MYCBP2: variants seen among roughly 807,000 people sequenced by gnomAD.
The protein encoded by MYCBP2 is MYC binding protein 2.
Under a neutral mutation model 525.3 loss-of-function variants are expected in MYCBP2, and 120 were observed. The ratio of observed to expected loss-of-function variants is 0.23; its 90% CI spans 0.20 to 0.27. MYCBP2 has a LOEUF of 0.27. MYCBP2 is among the 10% of genes least tolerant of loss of function. MYCBP2 has a pLI of 1.00. For synonymous variants in MYCBP2, 1,894 were observed against 1,955.8 expected (o/e 0.97, Z 0.83); for missense variants, 4,149 against 5,657.1 (o/e 0.73, Z 8.55).
At chr13:77,191,989 T>C (rs924559199) in intron 27 of MYCBP2, among the ~76,000 whole-genome samples, 176 bp from the exon 28 acceptor site, 3 of 152,260 alleles carry the variant, frequency 2.0e-5, no homozygotes, top group Non-Finnish European at 4.4e-5. Context: ...CAAATATAGT[T>C]ATTTATGTTA....
intron 52 of MYCBP2, among the ~76,000 whole-genome samples, chr13:77,138,255 TA>T (rs1176769703): frequency 6.6e-6 from 1 of 152,062 alleles, no homozygotes; most frequent in Non-Finnish European, 1.5e-5. Flanking sequence ...CAAAAGCATA[TA>T]AAAAAGAATG....
intron 40 of MYCBP2, 118 bp from the exon 41 acceptor site, chr13:77,166,672 TA>T: frequency 1.8e-6 from 1 of 570,570 alleles, no homozygotes; most frequent in Non-Finnish European, 2.9e-6. Context: ...CAGGATAAAG[TA>T]CAAAATTAAA....
At chr13:77,244,378 G>C (rs1424129595) in intron 15 of MYCBP2, among the ~76,000 whole-genome samples, 1 of 152,234 alleles carries the variant, frequency 6.6e-6, no homozygotes, top group Non-Finnish European at 1.5e-5. Flanking sequence ...TTCAGCAACA[G>C]AGCCTAAGCT....
At chr13:77,319,617 T>A (rs537917887) in intron 1 of MYCBP2, among the ~76,000 whole-genome samples, 1 of 152,208 alleles carries the variant, frequency 6.6e-6, no homozygotes, top group Non-Finnish European at 1.5e-5. Flanking sequence ...CCAAAAGCCA[T>A]CTGATGATTG....
In MYCBP2 at chr13:77,156,093, G is replaced by A; in HGVS notation, c.6880C>T (p.Gln2294Ter). The A allele has an allele frequency of 6.2e-7, 1 of 1,613,716 alleles. No individual in the cohort carries two copies. Among genetic ancestry groups the A allele is most frequent in the Non-Finnish European group, 8.5e-7 (1 of 1,179,830 alleles). The change falls in exon 46 of 83, where the codon CAG (glutamine) becomes TAG (stop). Residue 2294 changes from glutamine (Q) to a stop codon, truncating the protein, a stop_gained. Transcript: ENST00000544440. LOFTEE classifies it high-confidence loss of function. ...PTTITVQTKD[Q>*]YGDVVHVPNM... ...GGAACATGTACCACATCCCCATACT[G>A]GTCTTTTGTTTGAACAGTTATGGTG...
chr13:77,280,704 TA>T (rs2076101530), intron 3 of MYCBP2, among the ~76,000 whole-genome samples: 1 of 152,282 alleles, frequency 6.6e-6, no homozygotes, highest in Middle Eastern at 3.4e-3. Flanking sequence ...GTTTAAGGTG[TA>T]ATAACAAGTG....
chr13:77,103,274 A>T (rs1439554489), intron 55 of MYCBP2: 3 of 397,796 alleles, frequency 7.5e-6, no homozygotes, highest in Non-Finnish European at 1.3e-5. Context: ...ATTTTTGTAA[A>T]TGCGCTCACG....
chr13:77,293,097 CTA>C (rs575537053), intron 2 of MYCBP2, among the ~76,000 whole-genome samples: 7 of 151,994 alleles, frequency 4.6e-5, no homozygotes, highest in Non-Finnish European at 8.8e-5. Flanking sequence ...CTTCAAATCT[CTA>C]TGTCAGGCTC....
intron 2 of MYCBP2, among the ~76,000 whole-genome samples, chr13:77,291,200 C>A (rs1445960334): frequency 6.6e-6 from 1 of 151,800 alleles, no homozygotes; most frequent in African/African-American, 2.4e-5. Flanking sequence ...AAGAAGAAGA[C>A]AATTACAAAA....
At chr13:77,323,288 T>C (rs746994475) in intron 1 of MYCBP2, among the ~76,000 whole-genome samples, 1 of 152,246 alleles carries the variant, frequency 6.6e-6, no homozygotes, top group Non-Finnish European at 1.5e-5. Flanking sequence ...TCAAAGTCAC[T>C]GAGTCCATTA....
intron 23 of MYCBP2, among the ~76,000 whole-genome samples, chr13:77,208,768 C>T (rs1382439382): frequency 2.6e-5 from 4 of 151,992 alleles, no homozygotes; most frequent in Admixed American, 6.6e-5. Context: ...CATCCTTTTT[C>T]CTGTATGTAT....
chr13:77,256,312 G>A (rs2072185742), intron 14 of MYCBP2, among the ~76,000 whole-genome samples: 1 of 152,004 alleles, frequency 6.6e-6, no homozygotes, highest in African/African-American at 2.4e-5. Flanking sequence ...ATAAAAAAAT[G>A]TTTGGAAAAG....
At chr13:77,153,019 C>T (rs541231440) in intron 46 of MYCBP2, among the ~76,000 whole-genome samples, 10 of 140,472 alleles carry the variant, frequency 7.1e-5, no homozygotes, top group African/African-American at 2.1e-4. Context: ...GAGCTGAAAT[C>T]GTGCCACTGT....
intron 3 of MYCBP2, among the ~76,000 whole-genome samples, chr13:77,282,867 T>C (rs564944502): frequency 1.1e-4 from 16 of 152,320 alleles, no homozygotes; most frequent in African/African-American, 3.1e-4. Context: ...TCAGTCGTTA[T>C]AGCCAATTTA....
At chr13:77,049,386 ACTTAT>A (rs779773188) in intron 82 of MYCBP2, among the ~76,000 whole-genome samples, 5 of 152,152 alleles carry the variant, frequency 3.3e-5, no homozygotes, top group Non-Finnish European at 5.9e-5. Flanking sequence ...AAAAAACCCT[ACTTAT>A]CTTTATTTTG....
chr13:77,105,377 G>A (rs893567118), intron 55 of MYCBP2, among the ~76,000 whole-genome samples: 2 of 151,908 alleles, frequency 1.3e-5, no homozygotes, highest in Non-Finnish European at 2.9e-5. Context: ...TGATTCCTAG[G>A]TATGATTCAG....
chr13:77,265,154 G>A (rs1365766005), intron 8 of MYCBP2, among the ~76,000 whole-genome samples: 2 of 152,004 alleles, frequency 1.3e-5, no homozygotes, highest in Non-Finnish European at 2.9e-5. Context: ...ATCACAAACT[G>A]GAAATAGAAA....
At chr13:77,070,844 T>C (rs910049751) in intron 68 of MYCBP2, 133 bp from the exon 69 acceptor site, 17 of 539,328 alleles carry the variant, frequency 3.2e-5, no homozygotes, top group Non-Finnish European at 4.7e-5. Flanking sequence ...TATTTTAAAT[T>C]GAGGCTTATA....
At chr13:77,259,307 T>C (rs1322595442) in intron 13 of MYCBP2, among the ~76,000 whole-genome samples, 3 of 152,018 alleles carry the variant, frequency 2.0e-5, no homozygotes, top group Non-Finnish European at 2.9e-5. Context: ...TCTATGTCCA[T>C]AACCATTCAA....
Sources: allele counts gnomAD v4.1 joint callset (sites outside exome capture counted in the v4.1 genomes callset), GRCh38; gene constraint gnomAD v4.1.1; transcripts MANE v1.5; gene names NCBI Gene and HGNC (gene_info 2026-07-23, HGNC 2026-07-21).